Variants in SLC24A2 observed in about 807,000 individuals in gnomAD.
SLC24A2 encodes the protein solute carrier family 24 member 2, also known as sodium/potassium/calcium exchanger 2.
In SLC24A2, 36 loss-of-function variants were observed where a neutral mutation model predicts 62.0. That is an observed-to-expected ratio of 0.58 (90% CI 0.44 to 0.77). SLC24A2 has a LOEUF of 0.77. Ranked by LOEUF, SLC24A2 falls within the 30% of genes least tolerant of loss-of-function variation. The pLI is 0.00. For missense variants in SLC24A2, 846 were observed against 817.9 expected, an observed-to-expected ratio of 1.03 and a Z score of -0.42; for synonymous variants, 358 against 294.0, an observed-to-expected ratio of 1.22 and a Z score of -2.23.
chr9:19,604,682 C>A (rs141240441), intron 4 of SLC24A2, among the ~76,000 whole-genome samples: 2 of 151,784 alleles, frequency 1.3e-5, no homozygotes, highest in African/African-American at 2.4e-5. Flanking sequence ...GGGAAAAAGG[C>A]AAGAGATAAG....
At chr9:20,045,129 T>C in the SLC24A2 span, among the ~76,000 whole-genome samples, 1 of 152,220 alleles carries the variant, frequency 6.6e-6, no homozygotes, top group Non-Finnish European at 1.5e-5. Flanking sequence ...ATAGATATAC[T>C]ATGCATTTGG....
chr9:19,881,491 G>A, the SLC24A2 span, among the ~76,000 whole-genome samples: 1 of 152,142 alleles, frequency 6.6e-6, no homozygotes, highest in Non-Finnish European at 1.5e-5. Context: ...GACATAATAT[G>A]TAAAGGATAG....
intron 2 of SLC24A2, among the ~76,000 whole-genome samples, chr9:19,692,758 T>C (rs1054968412): frequency 9.2e-5 from 14 of 152,280 alleles, no homozygotes; most frequent in African/African-American, 3.4e-4. Flanking sequence ...GCAGGGACTT[T>C]ATATTAGTCA....
the SLC24A2 span, among the ~76,000 whole-genome samples, chr9:19,835,464 CA>C: frequency 6.6e-6 from 1 of 152,068 alleles, no homozygotes; most frequent in East Asian, 1.9e-4. Context: ...CAACGAAGAT[CA>C]AAAGAGACAA....
At chr9:19,873,552 T>TTCTTTCTC in the SLC24A2 span, among the ~76,000 whole-genome samples, 16 of 149,466 alleles carry the variant, frequency 1.1e-4, no homozygotes, top group African/African-American at 4.0e-4. Flanking sequence ...CTTTCTTTCT[T>TTCTTTCTC]TCTCTCTCTC....
intron 2 of SLC24A2, among the ~76,000 whole-genome samples, chr9:19,667,754 GC>G (rs1489414318): frequency 6.6e-6 from 1 of 152,136 alleles, no homozygotes; most frequent in Admixed American, 6.5e-5. Context: ...AGTACTCCTT[GC>G]CCCAGCCTGC....
At chr9:19,691,522 A>G (rs1411979756) in intron 2 of SLC24A2, among the ~76,000 whole-genome samples, 3 of 152,174 alleles carry the variant, frequency 2.0e-5, no homozygotes, top group Non-Finnish European at 2.9e-5. Context: ...TGGTTTTGCC[A>G]TAGCTGGGTT....
intron 2 of SLC24A2, among the ~76,000 whole-genome samples, chr9:19,644,414 A>T (rs1233363623): frequency 6.6e-6 from 1 of 152,206 alleles, no homozygotes; most frequent in African/African-American, 2.4e-5. Flanking sequence ...CATAGATTGA[A>T]TCATTATAGT....
chr9:19,565,506 G>C (rs9695040), intron 7 of SLC24A2, among the ~76,000 whole-genome samples: 126,279 of 147,986 alleles, frequency 0.85, 54,536 homozygotes, highest in East Asian at 0.99. Context: ...CTCATGGGTA[G>C]GAAGAATCAA....
At chr9:19,702,258 T>G (rs992539504) in intron 2 of SLC24A2, among the ~76,000 whole-genome samples, 23 of 152,230 alleles carry the variant, frequency 1.5e-4, no homozygotes, top group African/African-American at 5.5e-4. Flanking sequence ...CTCTGTACAC[T>G]TGGTGCTCCT....
chr9:20,244,768 A>G, the SLC24A2 span, among the ~76,000 whole-genome samples: 9 of 152,222 alleles, frequency 5.9e-5, no homozygotes, highest in Non-Finnish European at 1.3e-4. Context: ...CAATAACAGT[A>G]CTGCTTCTTT....
the SLC24A2 span, among the ~76,000 whole-genome samples, chr9:20,285,540 CT>C: frequency 6.6e-6 from 1 of 152,128 alleles, no homozygotes; most frequent in Non-Finnish European, 1.5e-5. Flanking sequence ...GAGGGACAGG[CT>C]TTTTGTTCTA....
chr9:20,018,731 G>T, the SLC24A2 span, among the ~76,000 whole-genome samples: 1 of 152,030 alleles, frequency 6.6e-6, no homozygotes, highest in Non-Finnish European at 1.5e-5. Context: ...TCCCCTGATT[G>T]AGGTAGGTAT....
chr9:19,853,348 A>G, the SLC24A2 span, among the ~76,000 whole-genome samples: 4 of 152,022 alleles, frequency 2.6e-5, no homozygotes, highest in African/African-American at 9.7e-5. Context: ...TACTATGTTG[A>G]ATAGGAGTGG....
At chr9:19,850,988 TATATATATATATACAC>T in the SLC24A2 span, among the ~76,000 whole-genome samples, 7 of 45,758 alleles carry the variant, frequency 1.5e-4, no homozygotes, top group African/African-American at 2.3e-4. Context: ...TATATATGTA[TATATATATATATACAC>T]ATACATATAT....
chr9:19,542,963 G>A (rs1834350770), intron 8 of SLC24A2, among the ~76,000 whole-genome samples: 1 of 152,082 alleles, frequency 6.6e-6, no homozygotes, highest in Admixed American at 6.6e-5. Flanking sequence ...AATGAGTTAG[G>A]GAGGATCCCC....
intron 2 of SLC24A2, among the ~76,000 whole-genome samples, chr9:19,769,330 C>G (rs1252592177): frequency 6.6e-6 from 1 of 152,220 alleles, no homozygotes; most frequent in Non-Finnish European, 1.5e-5. Flanking sequence ...CTGCCACCAC[C>G]TGGGCCAGGC....
chr9:19,908,339 A>G, the SLC24A2 span, among the ~76,000 whole-genome samples: 1 of 152,170 alleles, frequency 6.6e-6, no homozygotes, highest in African/African-American at 2.4e-5. Context: ...TTAATTCTAG[A>G]TGGATTAAAG....
the SLC24A2 span, among the ~76,000 whole-genome samples, chr9:19,905,562 C>A: frequency 6.6e-6 from 1 of 151,874 alleles, no homozygotes; most frequent in African/African-American, 2.4e-5. Flanking sequence ...TACAGGCATG[C>A]GCTACCACAC....
Sources: gnomAD v4.1 joint callset for allele counts (sites outside exome capture counted in the v4.1 genomes callset) on GRCh38, gnomAD v4.1.1 for gene constraint, MANE v1.5 for transcripts, NCBI Gene and HGNC (gene_info 2026-07-23, HGNC 2026-07-21) for gene names.